Variants in MON2 observed in about 807,000 individuals in gnomAD.
The protein encoded by MON2 is MON2 regulator of endosome-to-Golgi trafficking.
In MON2, 84 loss-of-function variants were observed where a neutral mutation model predicts 208.6. That is an observed-to-expected ratio of 0.40 (90% CI 0.34 to 0.48). The LOEUF (loss-of-function observed/expected upper bound fraction) is 0.48, where lower values mean the gene tolerates loss of function less well. Ranked by LOEUF, MON2 falls within the 20% of genes least tolerant of loss-of-function variation. MON2 has a pLI of 0.59. For synonymous variants in MON2, 660 were observed against 694.0 expected (o/e 0.95, Z 0.77); for missense variants, 1,611 against 2,015.4 (o/e 0.80, Z 3.84).
At chr12:62,573,394 C>CTT (rs778858180) in intron 30 of MON2, among the ~76,000 whole-genome samples, 7 of 134,158 alleles carry the variant, frequency 5.2e-5, no homozygotes, top group East Asian at 2.1e-4. Context: ...TTCAGATCAG[C>CTT]TTTTTTTTTT....
At chr12:62,471,698 T>C (rs1264068208) in intron 1 of MON2, among the ~76,000 whole-genome samples, 1 of 151,916 alleles carries the variant, frequency 6.6e-6, no homozygotes, top group Non-Finnish European at 1.5e-5. Flanking sequence ...AAAGGAACTG[T>C]GGGAAACAAC....
In MON2 at chr12:62,467,238, A is replaced by C; in HGVS notation, c.31A>C (p.Lys11Gln). Reference sequence around the variant, plus strand: ...CGGCACCAGCAGCCCCGAGGCGGTGAAGAAGCTGCTGGAGAATATGCAGAG... The same window carrying C: ...CGGCACCAGCAGCCCCGAGGCGGTGCAGAAGCTGCTGGAGAATATGCAGAG... Reference protein sequence around the residue: MSGTSSPEAVKKLLENMQSDL... With the variant: MSGTSSPEAVQKLLENMQSDL... Residue 11 changes from lysine to glutamine, a missense_variant, in exon 1 of 35, where the codon AAG becomes CAG. Lys to Gln is a moderately conservative substitution (Grantham distance 53). Coordinates refer to ENST00000393630, the MANE Select transcript of MON2 (RefSeq NM_015026.3). The C allele has an allele frequency of 1.2e-6, 2 of 1,613,810 alleles. No individual in the cohort carries two copies. Among genetic ancestry groups the C allele is most frequent in the East Asian group, 2.2e-5 (1 of 44,880 alleles).
Position 62,592,782 on chromosome 12 carries a change from G to A in MON2, c.*33G>A, listed in dbSNP as rs1213756530. 3 of 1,519,388 alleles carry A rather than the reference G, an allele frequency of 2.0e-6. No homozygotes were observed. The South Asian group carries it at 3.8e-5, about 19-fold the overall frequency. The allele number at this position is 1,519,388 out of a possible 1,614,324, so 94.1% of individuals were successfully genotyped here. A position where few individuals can be genotyped will look rare whatever the true frequency, so the allele number is the denominator to read the frequency against. On this transcript the variant is annotated 3_prime_UTR_variant, in exon 35 of 35. Coordinates refer to ENST00000393630, the MANE Select transcript of MON2 (RefSeq NM_015026.3). ...CAATATATTTGAAAGCAGGAAGATA[G>A]TCTAAAAAATGTTTGCTCCTAATTG...
chr12:62,475,984 C>A (rs1481496467), intron 1 of MON2, among the ~76,000 whole-genome samples: 1 of 151,792 alleles, frequency 6.6e-6, no homozygotes, highest in Non-Finnish European at 1.5e-5. Context: ...GCACTCCAGC[C>A]TGGGCAACGA....
intron 18 of MON2, 35 bp from the exon 19 acceptor site, chr12:62,538,380 G>C (rs776345582): frequency 6.3e-6 from 10 of 1,586,574 alleles, no homozygotes; most frequent in Non-Finnish European, 8.7e-6. Flanking sequence ...ATATATTTTA[G>C]ATCAAGATGT....
At chr12:62,570,541 T>C (rs527647228) in intron 29 of MON2, among the ~76,000 whole-genome samples, 8 of 152,112 alleles carry the variant, frequency 5.3e-5, no homozygotes, top group Non-Finnish European at 1.0e-4. Flanking sequence ...CATCGTTGTC[T>C]GAACATCATA....
intron 18 of MON2, 28 bp from the exon 19 acceptor site, chr12:62,538,387 A>G: frequency 1.3e-6 from 2 of 1,589,862 alleles, no homozygotes; most frequent in Admixed American, 1.7e-5. Flanking sequence ...TTAGATCAAG[A>G]TGTCTTATTT....
intron 5 of MON2, 92 bp from the exon 6 acceptor site, chr12:62,500,691 A>C: frequency 1.6e-6 from 1 of 633,762 alleles, no homozygotes; most frequent in Non-Finnish European, 2.6e-6. Flanking sequence ...TATATAAACA[A>C]ATATTTATTT....
chr12:62,507,793 G>C (rs2071181867), intron 7 of MON2, among the ~76,000 whole-genome samples: 1 of 152,118 alleles, frequency 6.6e-6, no homozygotes, highest in Admixed American at 6.5e-5. Flanking sequence ...ATTTGAGACA[G>C]CATCTTGCTC....
chr12:62,504,797 C>T (rs547301150), intron 7 of MON2, among the ~76,000 whole-genome samples: 2 of 152,286 alleles, frequency 1.3e-5, no homozygotes, highest in South Asian at 4.1e-4. Context: ...GTGGCACTTA[C>T]AATTCTAATG....
chr12:62,544,871 A>C (rs1249619059), intron 20 of MON2, 27 bp from the exon 21 acceptor site: 1 of 1,591,166 alleles, frequency 6.3e-7, no homozygotes, highest in South Asian at 1.1e-5. Flanking sequence ...AAGTATACAA[A>C]TTAAACTTAA....
intron 8 of MON2, among the ~76,000 whole-genome samples, chr12:62,516,504 A>T (rs2071697679): frequency 6.6e-6 from 1 of 152,178 alleles, no homozygotes; most frequent in African/African-American, 2.4e-5. Flanking sequence ...CGGGAGTTCA[A>T]GACCAGCCTG....
At chr12:62,542,376 T>A (rs1374801337) in intron 19 of MON2, among the ~76,000 whole-genome samples, 1 of 152,240 alleles carries the variant, frequency 6.6e-6, no homozygotes, top group African/African-American at 2.4e-5. Context: ...TCTTGTCTTT[T>A]TTCTAAGACA....
At chr12:62,507,935 A>G (rs1363251307) in intron 7 of MON2, among the ~76,000 whole-genome samples, 2 of 151,816 alleles carry the variant, frequency 1.3e-5, no homozygotes, top group East Asian at 3.9e-4. Flanking sequence ...TACCTGGCTA[A>G]TTTTTTAATT....
At chr12:62,494,072 C>G in intron 3 of MON2, 30 bp downstream of exon 3, 1 of 1,581,574 alleles carries the variant, frequency 6.3e-7, no homozygotes, top group Non-Finnish European at 8.6e-7. Flanking sequence ...TAAACTTCAC[C>G]TAAGAGTTGA....
At position 62,600,147 on chromosome 12, in the gene MON2, A is replaced by C. The variant is rs747165683; in HGVS notation, c.*7398A>C. The C allele has an allele frequency of 7.2e-5, 11 of 152,190 alleles. No homozygotes were observed. Among genetic ancestry groups the C allele is most frequent in the Non-Finnish European group, 4.4e-5 (3 of 68,028 alleles). 9.4% of individuals were successfully genotyped at this position (152,190 alleles called of 1,614,324 possible). On this transcript the variant is annotated 3_prime_UTR_variant, in exon 35 of 35. Transcript: ENST00000393630. ...TGAAATGGAGTTAATCGTGGTATTT[A>C]ACAGAATTCAAAATGTAGTGTGTTC...
chr12:62,527,113 G>A (rs1045356678), intron 11 of MON2, among the ~76,000 whole-genome samples: 1 of 152,150 alleles, frequency 6.6e-6, no homozygotes, highest in African/African-American at 2.4e-5. Context: ...GTGACAGAGT[G>A]AGACTCTGTC....
chr12:62,506,981 G>C (rs2071135565), intron 7 of MON2, among the ~76,000 whole-genome samples: 1 of 152,128 alleles, frequency 6.6e-6, no homozygotes, highest in Admixed American at 6.5e-5. Flanking sequence ...GAATTAACAG[G>C]TTAAGGAGTG....
At chr12:62,510,173 C>T (rs2071321541) in intron 8 of MON2, among the ~76,000 whole-genome samples, 1 of 151,986 alleles carries the variant, frequency 6.6e-6, no homozygotes, top group African/African-American at 2.4e-5. Flanking sequence ...GAAAAACCTT[C>T]CAACAAAGAA....
Sources: gnomAD v4.1 joint callset for allele counts (sites outside exome capture counted in the v4.1 genomes callset) on GRCh38, gnomAD v4.1.1 for gene constraint, MANE v1.5 for transcripts, NCBI Gene and HGNC (gene_info 2026-07-23, HGNC 2026-07-21) for gene names.